TAF2: variants seen among roughly 807,000 people sequenced by gnomAD.
TAF2 encodes the protein TATA-box binding protein associated factor 2.
A neutral mutation model predicts 138.5 loss-of-function variants in TAF2; 61 were observed. The observed-to-expected ratio is 0.44, with a 90% CI of 0.36 to 0.54. The LOEUF is 0.54. Ranked by LOEUF, TAF2 falls within the 20% of genes least tolerant of loss-of-function variation. The pLI, the probability that TAF2 is intolerant of heterozygous loss-of-function variation, is 0.00. For missense variants in TAF2, 1,090 were observed against 1,427.9 expected (o/e 0.76, Z 3.81); for synonymous variants, 475 against 469.9 (o/e 1.01, Z -0.14).
chr8:119,766,167 T>C (rs962954776), intron 18 of TAF2, among the ~76,000 whole-genome samples: 5 of 152,220 alleles, frequency 3.3e-5, no homozygotes, highest in African/African-American at 7.2e-5. Context: ...TAGGAATCTA[T>C]TGTAATAAAC....
chr8:119,805,686 C>T (rs1219604684), intron 4 of TAF2, among the ~76,000 whole-genome samples: 2 of 151,570 alleles, frequency 1.3e-5, no homozygotes, highest in African/African-American at 4.9e-5. Flanking sequence ...CCCTGGGCAA[C>T]AAGAGCGAAA....
intron 5 of TAF2, among the ~76,000 whole-genome samples, chr8:119,802,907 C>T (rs957350468): frequency 1.3e-5 from 2 of 152,142 alleles, no homozygotes; most frequent in Non-Finnish European, 2.9e-5. Flanking sequence ...GCTGGTGCAA[C>T]AGGCTATCTC....
chr8:119,760,548 A>G (rs1820991884), intron 20 of TAF2, 51 bp downstream of exon 20: 3 of 1,601,218 alleles, frequency 1.9e-6, no homozygotes, highest in Non-Finnish European at 2.5e-6. Context: ...GGCTTTAAAA[A>G]GTAAATAGTT....
At chr8:119,744,586 C>T (rs1819825217) in intron 23 of TAF2, 193 bp from the exon 24 acceptor site, 1 of 598,140 alleles carries the variant, frequency 1.7e-6, no homozygotes, top group Non-Finnish European at 2.9e-6. Context: ...CTAAAAGAAG[C>T]CAATTAGAAA....
chr8:119,816,553 T>C (rs1191840113), intron 3 of TAF2, among the ~76,000 whole-genome samples: 1 of 152,222 alleles, frequency 6.6e-6, no homozygotes, highest in Non-Finnish European at 1.5e-5. Flanking sequence ...TTAATTTCTG[T>C]TTTAGCTTTA....
intron 6 of TAF2, among the ~76,000 whole-genome samples, chr8:119,801,132 T>C (rs951171379): frequency 1.1e-4 from 17 of 152,160 alleles, no homozygotes; most frequent in Admixed American, 9.8e-4. Context: ...TTTACAATAT[T>C]TTAGATTCCA....
chr8:119,814,778 G>C (rs541146594), intron 3 of TAF2, among the ~76,000 whole-genome samples: 13 of 150,448 alleles, frequency 8.6e-5, no homozygotes, highest in Admixed American at 5.3e-4. Context: ...GTGTGGTGGT[G>C]CGTGCCTGTA....
intron 6 of TAF2, among the ~76,000 whole-genome samples, chr8:119,799,152 T>A (rs889564417): frequency 1.9e-4 from 15 of 77,146 alleles, no homozygotes; most frequent in African/African-American, 1.2e-3. Context: ...TTTTTTAAAA[T>A]TTTTTTATAT....
At chr8:119,790,577 T>C (rs1823352721) in intron 11 of TAF2, among the ~76,000 whole-genome samples, 1 of 152,042 alleles carries the variant, frequency 6.6e-6, no homozygotes, top group Admixed American at 6.6e-5. Flanking sequence ...TGAAAAAAAA[T>C]GGCTGAACAT....
At chr8:119,761,185 A>C (rs1821039362) in intron 19 of TAF2, among the ~76,000 whole-genome samples, 1 of 152,158 alleles carries the variant, frequency 6.6e-6, no homozygotes. Flanking sequence ...TTTTTACCAT[A>C]CCTTTCATAT....
At chr8:119,747,232 A>G (rs1820041388) in intron 22 of TAF2, among the ~76,000 whole-genome samples, 1 of 152,182 alleles carries the variant, frequency 6.6e-6, no homozygotes. Flanking sequence ...GACAGCCTCC[A>G]TGAGCCTTTG....
intron 3 of TAF2, among the ~76,000 whole-genome samples, chr8:119,806,799 C>T (rs568533393): frequency 2.0e-5 from 3 of 152,132 alleles, no homozygotes; most frequent in Admixed American, 2.0e-4. Flanking sequence ...CATTTGATAC[C>T]AATTATTTGT....
At chr8:119,786,930 T>C (rs918529891) in intron 14 of TAF2, among the ~76,000 whole-genome samples, 1 of 151,940 alleles carries the variant, frequency 6.6e-6, no homozygotes, top group Non-Finnish European at 1.5e-5. Context: ...AAAAATTAGG[T>C]ACACCTAAAA....
At chr8:119,796,346 T>C (rs1368851704) in intron 8 of TAF2, among the ~76,000 whole-genome samples, 2 of 152,078 alleles carry the variant, frequency 1.3e-5, no homozygotes, top group South Asian at 2.1e-4. Context: ...CCATACTATA[T>C]ATAGTATAGA....
intron 25 of TAF2, among the ~76,000 whole-genome samples, chr8:119,742,046 T>C (rs1819631955): frequency 2.0e-5 from 3 of 152,344 alleles, no homozygotes; most frequent in African/African-American, 7.2e-5. Flanking sequence ...TATAAGAGAA[T>C]ATAGCATCAA....
intron 2 of TAF2, among the ~76,000 whole-genome samples, chr8:119,821,608 G>A (rs1251563474): frequency 6.6e-6 from 1 of 152,184 alleles, no homozygotes; most frequent in African/African-American, 2.4e-5. Flanking sequence ...AAAAGCAGGT[G>A]TTCTGGAGGT....
intron 25 of TAF2, among the ~76,000 whole-genome samples, chr8:119,741,895 T>C (rs578024219): frequency 6.6e-6 from 1 of 152,350 alleles, no homozygotes; most frequent in South Asian, 2.1e-4. Flanking sequence ...CATCAAATGT[T>C]TGCACTTCAT....
In TAF2 at chr8:119,733,199, T is replaced by C. The variant is rs778544656; in HGVS notation, c.3338-1013A>G. On this transcript the variant is annotated intron_variant, in intron 25 of 25. Transcript: ENST00000378164. The stretch of plus-strand genomic sequence containing the variant: ...ACAACTGATATACCCATAAACATGC[T>C]ATTCTAGCTACTGATAATGGTATCT... Among the ~76,000 whole-genome samples the C allele has an allele frequency of 4.7e-4, 72 of 152,196 alleles. 1 individual carries two copies. Among genetic ancestry groups the C allele is most frequent in the Non-Finnish European group, 3.8e-4 (26 of 68,026 alleles).
intron 14 of TAF2, among the ~76,000 whole-genome samples, chr8:119,787,236 A>G (rs1249920485): frequency 6.6e-6 from 1 of 152,210 alleles, no homozygotes; most frequent in African/African-American, 2.4e-5. Flanking sequence ...GGATAGCTTT[A>G]GGAGATATAC....
Sources: allele counts gnomAD v4.1 joint callset (sites outside exome capture counted in the v4.1 genomes callset), GRCh38; gene constraint gnomAD v4.1.1; transcripts MANE v1.5; gene names NCBI Gene and HGNC (gene_info 2026-07-23, HGNC 2026-07-21).